NINL: variants seen among roughly 807,000 people sequenced by gnomAD.
NINL encodes the protein ninein-like protein.
A neutral mutation model predicts 160.3 loss-of-function variants in NINL; 153 were observed. The observed-to-expected ratio is 0.95, with a 90% confidence interval of 0.84 to 1.09. The LOEUF (loss-of-function observed/expected upper bound fraction) is 1.09, where lower values mean the gene tolerates loss of function less well. NINL is among the 50% of genes least tolerant of loss of function. NINL has a pLI of 0.00. For missense variants in NINL, 1,829 were observed against 1,764.0 expected (o/e 1.04, Z -0.66); for synonymous variants, 800 against 734.8 (o/e 1.09, Z -1.43).
At chr20:25,472,363 A>ATATATATATG (rs1445814345) in intron 17 of NINL, among the ~76,000 whole-genome samples, 1 of 81,470 alleles carries the variant, frequency 1.2e-5, no homozygotes, top group Non-Finnish European at 2.5e-5. Context: ...ATATATATAT[A>ATATATATATG]TATACTTTTT....
intron 14 of NINL, among the ~76,000 whole-genome samples, chr20:25,480,586 G>A (rs2063366393): frequency 6.6e-6 from 1 of 152,198 alleles, no homozygotes; most frequent in Non-Finnish European, 1.5e-5. Context: ...CGGAGGAAAT[G>A]GAAGGACATA....
intron 13 of NINL, among the ~76,000 whole-genome samples, chr20:25,488,517 C>A (rs1289922284): frequency 6.6e-6 from 1 of 152,056 alleles, no homozygotes. Context: ...AGCCACCGCA[C>A]CCGGCCTCCT....
At chr20:25,564,842 A>C (rs926582190) in intron 1 of NINL, among the ~76,000 whole-genome samples, 2 of 151,704 alleles carry the variant, frequency 1.3e-5, no homozygotes, top group South Asian at 4.1e-4. Context: ...AAAACTTCTT[A>C]TATCCATCAG....
intron 1 of NINL, among the ~76,000 whole-genome samples, chr20:25,548,210 G>A (rs114865897): frequency 1.9e-4 from 29 of 152,246 alleles, no homozygotes; most frequent in African/African-American, 6.7e-4. Flanking sequence ...CTGTGTGGCC[G>A]AGTCAAGCTG....
At chr20:25,542,696 CTAAAAAAAAAAAAAAAAAAAAAA>C (rs2064681938) in intron 1 of NINL, among the ~76,000 whole-genome samples, 1 of 74,752 alleles carries the variant, frequency 1.3e-5, no homozygotes, top group Admixed American at 2.4e-4. Flanking sequence ...CTTGCTTTCA[CTAAAAAAAAAAAAAAAAAAAAAA>C]AAAAAAAAAA....
At chr20:25,546,304 GT>G (rs2064731379) in intron 1 of NINL, among the ~76,000 whole-genome samples, 1 of 152,132 alleles carries the variant, frequency 6.6e-6, no homozygotes, top group South Asian at 2.1e-4. Flanking sequence ...TGACTGAACA[GT>G]TTATGAGTGA....
chr20:25,531,805 T>C (rs1056177687), intron 1 of NINL, among the ~76,000 whole-genome samples: 9 of 152,148 alleles, frequency 5.9e-5, no homozygotes, highest in Non-Finnish European at 5.9e-5. Flanking sequence ...GTTTTCCCAA[T>C]GTCAGAGGGT....
chr20:25,568,572 CTTA>C (rs1470854076), intron 1 of NINL, among the ~76,000 whole-genome samples: 1 of 151,854 alleles, frequency 6.6e-6, no homozygotes, highest in Non-Finnish European at 1.5e-5. Flanking sequence ...CCATGCCTGG[CTTA>C]TTTTTTAAAT....
chr20:25,560,720 T>C (rs2064924058), intron 1 of NINL, among the ~76,000 whole-genome samples: 1 of 151,984 alleles, frequency 6.6e-6, no homozygotes, highest in African/African-American at 2.4e-5. Flanking sequence ...ATTCACTGTC[T>C]CCTCTTTCTA....
Position 25,482,099 on chromosome 20 carries a change from T to A in NINL, c.1679A>T (p.Asp560Val), listed in dbSNP as rs764686173. ...CAGCTCATCGTTGCGGTCCTGCAGG[T>A]CCTGTGGGGACAGAGCCAGCCACCT... ...VLKEYELKCR[D>V]LQDRNDELQA... The change falls in exon 14 of 24, where the codon GAC (aspartate) becomes GTC (valine). Residue 560 changes from aspartate to valine, a missense_variant and splice_region_variant. Physicochemically the swap from Asp to Val is radical, Grantham distance 152. Transcript: ENST00000278886. The A allele has an allele frequency of 1.9e-6, 3 of 1,596,022 alleles. No individual in the cohort carries two copies. Among genetic ancestry groups the A allele is most frequent in the Admixed American group, 1.7e-5 (1 of 59,950 alleles).
chr20:25,531,372 T>C (rs182865080), intron 1 of NINL, among the ~76,000 whole-genome samples: 130 of 152,112 alleles, frequency 8.5e-4, no homozygotes, highest in African/African-American at 3.0e-3. Flanking sequence ...CTTACGAAAA[T>C]GATGATGAGA....
At chr20:25,519,861 G>A (rs146769613) in intron 2 of NINL, among the ~76,000 whole-genome samples, 16 of 151,800 alleles carry the variant, frequency 1.1e-4, no homozygotes, top group South Asian at 8.3e-4. Flanking sequence ...GTAATTAGCC[G>A]GGCATGGCGG....
chr20:25,498,915 T>G (rs539034124), intron 8 of NINL: 2 of 985,462 alleles, frequency 2.0e-6, no homozygotes, highest in South Asian at 4.7e-5. Flanking sequence ...GCCGGCATTT[T>G]ACTGAAACAA....
At chr20:25,527,177 A>G (rs938532196) in intron 1 of NINL, among the ~76,000 whole-genome samples, 4 of 151,628 alleles carry the variant, frequency 2.6e-5, no homozygotes, top group Admixed American at 6.6e-5. Flanking sequence ...TTTGGGAGAC[A>G]GGGTCTTGCT....
At chr20:25,532,489 G>A (rs2064482332) in intron 1 of NINL, among the ~76,000 whole-genome samples, 2 of 152,228 alleles carry the variant, frequency 1.3e-5, no homozygotes, top group Non-Finnish European at 2.9e-5. Flanking sequence ...GGGATCTGCA[G>A]CTCTGCTCCA....
At chr20:25,562,490 C>T (rs1226596872) in intron 1 of NINL, among the ~76,000 whole-genome samples, 1 of 127,384 alleles carries the variant, frequency 7.9e-6, no homozygotes, top group Non-Finnish European at 1.7e-5. Flanking sequence ...GATCTGTGAC[C>T]TTACCCCCAA....
intron 3 of NINL, 94 bp from the exon 4 acceptor site, chr20:25,513,100 G>C (rs1356172913): frequency 7.7e-7 from 1 of 1,298,504 alleles, no homozygotes; most frequent in African/African-American, 1.5e-5. Context: ...TGCACACTCA[G>C]CACCGAGTGT....
At chr20:25,532,078 A>G (rs928756773) in intron 1 of NINL, among the ~76,000 whole-genome samples, 1 of 152,190 alleles carries the variant, frequency 6.6e-6, no homozygotes, top group African/African-American at 2.4e-5. Flanking sequence ...CTGGCCCACG[A>G]CACTGCAAAC....
At position 25,467,472 on chromosome 20, in the gene NINL, A is replaced by T. The variant is rs1329240397; in HGVS notation, c.3354-14T>A. 2 of 1,607,874 alleles carry T rather than the reference A, an allele frequency of 1.2e-6. No homozygotes were observed. ...TCAATTTCCTTCCTGTTGAAGAAGCACAATTAACAGTGATACCACTTGTGA... is the reference window on the plus strand; with the variant it reads ...TCAATTTCCTTCCTGTTGAAGAAGCTCAATTAACAGTGATACCACTTGTGA... On this transcript the variant is annotated splice_polypyrimidine_tract_variant and intron_variant, in intron 18 of 23. Coordinates refer to ENST00000278886, the MANE Select transcript of NINL (RefSeq NM_025176.6).
Sources: allele counts gnomAD v4.1 joint callset (sites outside exome capture counted in the v4.1 genomes callset), GRCh38; gene constraint gnomAD v4.1.1; transcripts MANE v1.5; gene names NCBI Gene and HGNC (gene_info 2026-07-23, HGNC 2026-07-21).